BBS1: variants seen among roughly 807,000 people sequenced by gnomAD.
The protein encoded by BBS1 is Bardet-Biedl syndrome 1, also known as BBSome complex member BBS1.
In BBS1, 60 loss-of-function variants were observed where a neutral mutation model predicts 73.9. That is an observed-to-expected ratio of 0.81 (90% CI 0.66 to 1.01). The LOEUF (loss-of-function observed/expected upper bound fraction) is 1.01. BBS1 is among the 50% of genes least tolerant of loss of function. BBS1 has a pLI of 0.00. For synonymous variants in BBS1, 283 were observed against 317.4 expected, an observed-to-expected ratio of 0.89 and a Z score of 1.15; for missense variants, 718 against 770.3, an observed-to-expected ratio of 0.93 and a Z score of 0.80.
At chr11:66,510,876 TGA>T in intron 1 of BBS1, 135 bp from the exon 2 acceptor site, 1 of 1,368,972 alleles carries the variant, frequency 7.3e-7, no homozygotes, top group Non-Finnish European at 1.0e-6. Flanking sequence ...GGTCGCTCGG[TGA>T]GCCAGTGGCG....
intron 13 of BBS1, chr11:66,529,286 C>T (rs1342415584): frequency 1.6e-5 from 24 of 1,534,142 alleles, no homozygotes; most frequent in Non-Finnish European, 2.0e-5. Context: ...ACTTGATGGA[C>T]AGGGAGGCAG....
Position 66,519,597 on chromosome 11 carries a change from C to A in BBS1, c.592-20C>A. ...TGGTGTGTGGAGGTTCCCTGGGTGA[C>A]CCCTGGAGTCCTTCTGTAGACAGTC... On this transcript the variant is annotated intron_variant, in intron 7 of 16. Transcript: ENST00000318312. 1 of 1,613,426 alleles carries A rather than the reference C, an allele frequency of 6.2e-7. No homozygotes were observed. Among genetic ancestry groups the A allele is most frequent in the Non-Finnish European group, 8.5e-7 (1 of 1,179,756 alleles).
At chr11:66,527,055 C>T in intron 13 of BBS1, 2 of 1,525,562 alleles carry the variant, frequency 1.3e-6, no homozygotes, top group Non-Finnish European at 1.8e-6. Context: ...GGAGCAGTCA[C>T]TTCCAAACGC....
At chr11:66,527,199 T>G in intron 13 of BBS1, 1 of 575,090 alleles carries the variant, frequency 1.7e-6, no homozygotes, top group South Asian at 2.2e-5. Flanking sequence ...ATAATGATAC[T>G]TCTTTCTCAA....
intron 3 of BBS1, among the ~76,000 whole-genome samples, chr11:66,511,534 G>A (rs1855947945): frequency 6.6e-6 from 1 of 152,028 alleles, no homozygotes; most frequent in South Asian, 2.1e-4. Flanking sequence ...TTGGGGGTGG[G>A]CACTAGAATC....
At chr11:66,523,357 T>C in intron 9 of BBS1, 99 bp from the exon 10 acceptor site, 1 of 1,545,022 alleles carries the variant, frequency 6.5e-7, no homozygotes, top group East Asian at 2.2e-5. Flanking sequence ...GGGCCAGTGT[T>C]CCTCCCAGGT....
intron 13 of BBS1, chr11:66,529,513 G>A (rs1332631188): frequency 1.5e-5 from 11 of 721,352 alleles, no homozygotes; most frequent in Non-Finnish European, 2.5e-5. Context: ...TGGAGGATGA[G>A]AAGAGGACCA....
Position 66,532,177 on chromosome 11 carries a change from C to T in BBS1, c.*140C>T, listed in dbSNP as rs928262271. On this transcript the variant is annotated 3_prime_UTR_variant, in exon 17 of 17. Coordinates refer to ENST00000318312, the MANE Select transcript of BBS1 (RefSeq NM_024649.5). ...CTCTCTTAAGCACCCGCTTCCTCAC[C>T]ACCCCCACTGTTGGGCCTATAGTAG... The T allele has an allele frequency of 2.2e-6, 2 of 889,634 alleles. No individual in the cohort carries two copies. The highest frequency in any genetic ancestry group is 3.3e-5 in the African/African-American group (2 of 59,708). The allele number at this position is 889,634 out of a possible 1,614,324, so 55.1% of individuals were successfully genotyped here.
At chr11:66,531,917 T>C in intron 16 of BBS1, 34 bp from the exon 17 acceptor site, 1 of 1,569,498 alleles carries the variant, frequency 6.4e-7, no homozygotes. Flanking sequence ...GTCAGGGGTG[T>C]ATGCCCCCTG....
At position 66,532,119 on chromosome 11, in the gene BBS1, G is replaced by A; in HGVS notation, c.*82G>A. 7.1e-7 allele frequency: 1 copy of A among 1,408,046 alleles called. No homozygotes were observed. Among genetic ancestry groups the A allele is most frequent in the Non-Finnish European group, 9.7e-7 (1 of 1,029,124 alleles). 87.2% of individuals were successfully genotyped at this position (1,408,046 alleles called of 1,614,324 possible). A position where few individuals can be genotyped will look rare whatever the true frequency, so the allele number is the denominator to read the frequency against. On this transcript the variant is annotated 3_prime_UTR_variant, in exon 17 of 17. Transcript: ENST00000318312. ...TAGTGGCCCCAGGCCCACTCCTCAT[G>A]CAGCAGTGTGCTGGGGCGACAGCTC...
At chr11:66,530,750 T>A in intron 14 of BBS1, 144 bp from the exon 15 acceptor site, 1 of 1,230,680 alleles carries the variant, frequency 8.1e-7, no homozygotes, top group Non-Finnish European at 1.2e-6. Flanking sequence ...CCTCTGCCCC[T>A]TCTGGTCTTC....
At position 66,519,629 on chromosome 11, in the gene BBS1, A is replaced by G; in HGVS notation, c.604A>G (p.Thr202Ala). ...AGTCCTTCTGTAGACAGTCATCACC[A>G]CCATGACCACCTTGAAGAAGAACCT... ...NSIKRQTVIT[T>A]MTTLKKNLAD... Residue 202 changes from threonine to alanine, a missense_variant, in exon 8 of 17, where the codon ACC (threonine) becomes GCC (alanine). By Grantham distance (58) the Thr-to-Ala change is moderately conservative. Transcript: ENST00000318312. 1.2e-6 allele frequency: 2 copies of G among 1,613,798 alleles called. No individual in the cohort carries two copies. The highest frequency in any genetic ancestry group is 1.7e-6 in the Non-Finnish European group (2 of 1,179,896).
chr11:66,523,794 G>A lies in BBS1; in HGVS notation c.1022G>A (p.Arg341Gln), dbSNP rs544274797. ...ATGAACCTCCTGGAGCAGCATTCCCGGGGCCTGCAGGCCGTCATGGCTGGG... is the reference window on the plus strand; with the variant it reads ...ATGAACCTCCTGGAGCAGCATTCCCAGGGCCTGCAGGCCGTCATGGCTGGG... The part of the protein sequence containing the change: ...LTMNLLEQHS[R>Q]GLQAVMAGLA... The change falls in exon 11 of 17, where the codon CGG becomes CAG. Residue 341 changes from arginine to glutamine, a missense_variant. Coordinates refer to ENST00000318312, the MANE Select transcript of BBS1 (RefSeq NM_024649.5). 19 of 1,613,408 alleles carry A rather than the reference G, an allele frequency of 1.2e-5. No homozygotes were observed. The highest frequency in any genetic ancestry group is 2.2e-5 in the East Asian group (1 of 44,878).
At chr11:66,518,735 A>C (rs1469992903) in intron 7 of BBS1, among the ~76,000 whole-genome samples, 1 of 148,322 alleles carries the variant, frequency 6.7e-6, no homozygotes, top group African/African-American at 2.5e-5. Context: ...TACAGGTGTG[A>C]GCCACCACGC....
intron 3 of BBS1, among the ~76,000 whole-genome samples, chr11:66,513,474 A>G (rs1855990727): frequency 6.6e-6 from 1 of 152,192 alleles, no homozygotes; most frequent in Non-Finnish European, 1.5e-5. Flanking sequence ...TCTAAGACAC[A>G]GCTTCCTCAT....
At position 66,514,510 on chromosome 11, in the gene BBS1, T is replaced by A; in HGVS notation, c.264T>A (p.Ala88=). The change falls in exon 4 of 17, where the codon GCT becomes GCA. Residue 88 remains alanine, a synonymous_variant. Coordinates refer to ENST00000318312, the MANE Select transcript of BBS1 (RefSeq NM_024649.5). ...GCCCGCTACCTGCTCTGCCAGCTGC[T>A]GCTGCCACCTTCCTCATGGAGCAAC... ...TESPLPALPA[A]AATFLMEQHE... is the part of the protein sequence containing the mutation. The A allele has an allele frequency of 6.2e-7, 1 of 1,614,204 alleles. No individual in the cohort carries two copies. Among genetic ancestry groups the A allele is most frequent in the Non-Finnish European group, 8.5e-7 (1 of 1,180,036 alleles).
At chr11:66,511,890 T>G (rs1480819008) in intron 3 of BBS1, among the ~76,000 whole-genome samples, 1 of 151,244 alleles carries the variant, frequency 6.6e-6, no homozygotes, top group African/African-American at 2.4e-5. Flanking sequence ...TCCCAGCTAC[T>G]TGGGAGGCTG....
At chr11:66,529,782 C>A (rs371205830) in intron 13 of BBS1, 37 bp from the exon 14 acceptor site, 9 of 1,607,842 alleles carry the variant, frequency 5.6e-6, no homozygotes, top group South Asian at 1.1e-5. Flanking sequence ...TGCCACCCCC[C>A]ACCTCCACCG....
intron 8 of BBS1, 146 bp downstream of exon 8, chr11:66,519,894 A>C: frequency 1.5e-5 from 16 of 1,048,290 alleles, no homozygotes; most frequent in East Asian, 5.5e-5. Context: ...ATATCCAAAA[A>C]TCCTACCGCC....
Sources: gnomAD v4.1 joint callset for allele counts (sites outside exome capture counted in the v4.1 genomes callset) on GRCh38, gnomAD v4.1.1 for gene constraint, MANE v1.5 for transcripts, NCBI Gene and HGNC (gene_info 2026-07-23, HGNC 2026-07-21) for gene names.